The following ZNF414 variants were observed in gnomAD, a reference collection of about 807,000 sequenced individuals.
ZNF414 encodes the protein zinc finger protein 414.
ZNF414 carries 32 observed loss-of-function variants against 38.3 expected under a neutral mutation model. The observed-to-expected ratio is 0.83, with a 90% CI of 0.63 to 1.12. The LOEUF is 1.12. Among genes scored for constraint, ZNF414 ranks in the 50% most tolerant of loss-of-function variants. The pLI is 0.00. For missense variants in ZNF414, 589 were observed against 557.4 expected (o/e 1.06, Z -0.57); for synonymous variants, 256 against 248.0 (o/e 1.03, Z -0.30).
intron 3 of ZNF414, 49 bp downstream of exon 3, chr19:8,512,555 G>C: frequency 6.2e-7 from 1 of 1,607,392 alleles, no homozygotes; most frequent in Non-Finnish European, 8.5e-7. Context: ...GAGGGGCTCC[G>C]CCTGTTTCCC....
chr19:8,513,967 G>A (rs1568323720), intron 1 of ZNF414, 77 bp downstream of exon 1: 11 of 1,335,742 alleles, frequency 8.2e-6, no homozygotes, highest in Non-Finnish European at 1.1e-5. Flanking sequence ...GTCGGCCGGA[G>A]GCTGTAGGCG....
In ZNF414 at chr19:8,513,083, T is replaced by C. The variant is rs1971940662; in HGVS notation, c.262A>G (p.Ile88Val). The change falls in exon 2 of 8, where the codon ATA (isoleucine) becomes GTA (valine). Residue 88 changes from isoleucine (I) to valine (V), a missense_variant. Physicochemically the swap from Ile to Val is conservative, Grantham distance 29. Transcript: ENST00000393927. Reference protein sequence around the residue: ...GPGPSPGLTSIVSGTSEDLRP... With the variant: ...GPGPSPGLTSVVSGTSEDLRP... ...AGGTCCTCGCTGGTCCCGGAGACTA[T>C]GCTGGTCAGGCCAGGGCTGGGTCCG... 4 of 1,514,372 alleles carry C rather than the reference T, an allele frequency of 2.6e-6. No individual in the cohort carries two copies. Among genetic ancestry groups the C allele is most frequent in the East Asian group, 2.5e-5 (1 of 40,508 alleles). The allele number at this position is 1,514,372 out of a possible 1,614,324, so 93.8% of individuals were successfully genotyped here. A position where few individuals can be genotyped will look rare whatever the true frequency, so the allele number is the denominator to read the frequency against.
At chr19:8,512,278 C>T in intron 4 of ZNF414, 109 bp downstream of exon 4, 2 of 1,492,802 alleles carry the variant, frequency 1.3e-6, no homozygotes, top group Non-Finnish European at 1.8e-6. Context: ...AAGGCCCACC[C>T]ACATCAAGTC....
At chr19:8,512,362 G>T in intron 4 of ZNF414, 25 bp downstream of exon 4, 1 of 1,611,452 alleles carries the variant, frequency 6.2e-7, no homozygotes, top group Non-Finnish European at 8.5e-7. Context: ...AGGGCAGGGC[G>T]GAGCTCAAGA....
In ZNF414 at chr19:8,511,186, G is replaced by A. The variant is rs191395093; in HGVS notation, c.926-162C>T. 3.6e-4 allele frequency: 475 copies of A among 1,316,282 alleles called. 10 individuals carry two copies. In the East Asian group the frequency reaches 1.0e-2, roughly 28 times the overall value. 81.5% of individuals were successfully genotyped at this position (1,316,282 alleles called of 1,614,324 possible). A position where few individuals can be genotyped will look rare whatever the true frequency, so the allele number is the denominator to read the frequency against. Reference sequence around the variant, plus strand: ...TCTCCCGGGTCTGTCTGCCCCTAGAGTTGGGGGCACCCAACTTGGCTTCTC... The same window carrying A: ...TCTCCCGGGTCTGTCTGCCCCTAGAATTGGGGGCACCCAACTTGGCTTCTC... On this transcript the variant is annotated intron_variant, in intron 6 of 7. Coordinates refer to ENST00000393927, the MANE Select transcript of ZNF414 (RefSeq NM_001146175.2).
At chr19:8,512,765 C>G (rs1377253188) in intron 2 of ZNF414, 54 bp from the exon 3 acceptor site, 1 of 1,429,772 alleles carries the variant, frequency 7.0e-7, no homozygotes, top group African/African-American at 1.4e-5. Context: ...AGTGCTGTCC[C>G]TGACCCCAGG....
Position 8,510,952 on chromosome 19 carries a change from G to C in ZNF414, c.998C>G (p.Ser333Cys), listed in dbSNP as rs1432027225. The change falls in exon 7 of 8, where the codon TCC becomes TGC. Residue 333 changes from serine (S) to cysteine (C), a missense_variant. Transcript: ENST00000393927. ...GGTCATGGCGGGCCGCGAGGCCGTG[G>C]AGAAGGCGCACTGCATGCACGAGTA... The part of the protein sequence containing the change: ...GRYSCMQCAF[S>C]TASRPAMTLH... 8.0e-7 allele frequency: 1 copy of C among 1,249,448 alleles called. No homozygotes were observed. The highest frequency in any genetic ancestry group is 1.6e-5 in the African/African-American group (1 of 64,308). 77.4% of individuals were successfully genotyped at this position (1,249,448 alleles called of 1,614,324 possible). A position where few individuals can be genotyped will look rare whatever the true frequency, so the allele number is the denominator to read the frequency against.
At chr19:8,514,001 C>A in intron 1 of ZNF414, 43 bp downstream of exon 1, 1 of 1,427,332 alleles carries the variant, frequency 7.0e-7, no homozygotes, top group Non-Finnish European at 9.2e-7. Flanking sequence ...CCCCGCCAGT[C>A]CCCGCAGCTC....
intron 1 of ZNF414, 36 bp from the exon 2 acceptor site, chr19:8,513,377 G>A: frequency 6.6e-7 from 1 of 1,526,490 alleles, no homozygotes; most frequent in Non-Finnish European, 8.7e-7. Flanking sequence ...ACCCTTCTGG[G>A]CTCTGGGTCA....
Position 8,510,572 on chromosome 19 carries a change from A to G in ZNF414, c.*119T>C. 1 of 1,174,988 alleles carries G rather than the reference A, an allele frequency of 8.5e-7. No homozygotes were observed. Among genetic ancestry groups the G allele is most frequent in the East Asian group, 2.9e-5 (1 of 34,182 alleles). 72.8% of individuals were successfully genotyped at this position (1,174,988 alleles called of 1,614,324 possible). On this transcript the variant is annotated 3_prime_UTR_variant, in exon 8 of 8. Coordinates refer to ENST00000393927, the MANE Select transcript of ZNF414 (RefSeq NM_001146175.2). ...CTTTGGATGGACAAGGGATGGGAAC[A>G]CAGCATAGGCTGGCTCATGGCGCCT...
rs1971905178 is a variant in ZNF414, at chr19:8,510,943, G to C, written c.1007C>G (p.Ser336Trp). The change falls in exon 7 of 8, where the codon TCG (serine) becomes TGG (tryptophan). Residue 336 changes from serine (S) to tryptophan (W), a missense_variant. Physicochemically the swap from Ser to Trp is radical, Grantham distance 177. Coordinates refer to ENST00000393927, the MANE Select transcript of ZNF414 (RefSeq NM_001146175.2). ...CAGGTGCAGGGTCATGGCGGGCCGC[G>C]AGGCCGTGGAGAAGGCGCACTGCAT... ...SCMQCAFSTASRPAMTLHLED... is the reference protein window; with the variant it reads ...SCMQCAFSTAWRPAMTLHLED... 2.3e-5 allele frequency: 28 copies of C among 1,240,724 alleles called. No individual in the cohort carries two copies. The highest frequency in any genetic ancestry group is 2.8e-5 in the Non-Finnish European group (28 of 990,868). The allele number at this position is 1,240,724 out of a possible 1,614,324, so 76.9% of individuals were successfully genotyped here.
Position 8,512,010 on chromosome 19 carries a change from GGA to G in ZNF414, c.531-52_531-51del, listed in dbSNP as rs138143788. ...TGGGCTGGGCCTCCAGGGGCACCAG[GGA>G]GAGTGTCCTGTGCAATGCCACCCGC... is the stretch of plus-strand genomic sequence containing the variant. On this transcript the variant is annotated intron_variant, in intron 4 of 7. Transcript: ENST00000393927. The G allele has an allele frequency of 2.4e-3, 3,378 of 1,390,240 alleles. 72 individuals are homozygous for G. In the African/African-American group the frequency reaches 0.043, roughly 18 times the overall value. 86.1% of individuals were successfully genotyped at this position (1,390,240 alleles called of 1,614,324 possible). A position where few individuals can be genotyped will look rare whatever the true frequency, so the allele number is the denominator to read the frequency against.
At position 8,510,509 on chromosome 19, in the gene ZNF414, G is replaced by T; in HGVS notation, c.*182C>A. On this transcript the variant is annotated 3_prime_UTR_variant, in exon 8 of 8. Coordinates refer to ENST00000393927, the MANE Select transcript of ZNF414 (RefSeq NM_001146175.2). ...TGGACCCAGGTGGTCCTCCCAAGATGTGATCAATCCATGACTGCTGGGCTC... is the reference window on the plus strand; with the variant it reads ...TGGACCCAGGTGGTCCTCCCAAGATTTGATCAATCCATGACTGCTGGGCTC... 1.7e-6 allele frequency: 1 copy of T among 601,580 alleles called. No individual in the cohort carries two copies. The highest frequency in any genetic ancestry group is 2.7e-6 in the Non-Finnish European group (1 of 377,118). 37.3% of individuals were successfully genotyped at this position (601,580 alleles called of 1,614,324 possible). A position where few individuals can be genotyped will look rare whatever the true frequency, so the allele number is the denominator to read the frequency against.
chr19:8,512,625 G>T lies in ZNF414; in HGVS notation c.403C>A (p.Pro135Thr). The T allele has an allele frequency of 6.3e-7, 1 of 1,592,780 alleles. No individual in the cohort carries two copies. ...DLAQHLRTHC[P>T]PTQSLEGKLF... is the part of the protein sequence containing the mutation. Reference sequence around the variant, plus strand: ...CTACCTTCCAGGGACTGTGTGGGCGGGCAGTGGGTTCGCAGATGCTGTGCC... The same window carrying T: ...CTACCTTCCAGGGACTGTGTGGGCGTGCAGTGGGTTCGCAGATGCTGTGCC... The change falls in exon 3 of 8, where the codon CCG (proline) becomes ACG (threonine). Residue 135 changes from proline (P) to threonine (T), a missense_variant. Coordinates refer to ENST00000393927, the MANE Select transcript of ZNF414 (RefSeq NM_001146175.2).
rs776025717 is a variant in ZNF414, at chr19:8,511,559, G to A, written c.875-23C>T. 91 of 1,582,026 alleles carry A rather than the reference G, an allele frequency of 5.8e-5. 2 individuals are homozygous for A. In the South Asian group the frequency reaches 9.6e-4, roughly 17 times the overall value. ...CACCTGCGGTAAAGGGGCGGGTCAA[G>A]TTCAGAGTCAGGGCGAGCCCAGCCA... is the stretch of plus-strand genomic sequence containing the variant. On this transcript the variant is annotated intron_variant, in intron 5 of 7. Transcript: ENST00000393927.
Position 8,510,873 on chromosome 19 carries a change from CGGCCCGGCCGCGGG to C in ZNF414, c.1063_1076del (p.Pro355AlafsTer67), listed in dbSNP as rs1364526039. On this transcript the variant is annotated frameshift_variant, in exon 7 of 8. Coordinates refer to ENST00000393927, the MANE Select transcript of ZNF414 (RefSeq NM_001146175.2). LOFTEE classifies it low-confidence loss of function (END_TRUNC). Reference sequence around the variant, plus strand: ...TACCCGCGGGGGCGTCGGGGCGCGGCGGCCCGGCCGCGGGGGCCGCGGGGGCGCCGGGGCGGTGG... The same window carrying C: ...TACCCGCGGGGGCGTCGGGGCGCGGCGGCCGCGGGGGCGCCGGGGCGGTGG... The C allele has an allele frequency of 5.3e-6, 6 of 1,123,198 alleles. No individual in the cohort carries two copies. The highest frequency in any genetic ancestry group is 6.6e-6 in the Non-Finnish European group (6 of 910,866). 69.6% of individuals were successfully genotyped at this position (1,123,198 alleles called of 1,614,324 possible).
intron 7 of ZNF414, 38 bp downstream of exon 7, chr19:8,510,813 C>G: frequency 6.7e-7 from 1 of 1,486,670 alleles, no homozygotes; most frequent in East Asian, 2.7e-5. Context: ...GCCTTGGGCC[C>G]CCGCCCCCCT....
Position 8,513,105 on chromosome 19 carries a change from T to C in ZNF414, c.240A>G (p.Gly80=). The change falls in exon 2 of 8, where the codon GGA becomes GGG. Residue 80 remains glycine, a synonymous_variant. Coordinates refer to ENST00000393927, the MANE Select transcript of ZNF414 (RefSeq NM_001146175.2). The part of the protein sequence containing the change: ...PAPDSCQPGP[G]PSPGLTSIVS... Reference sequence around the variant, plus strand: ...CTATGCTGGTCAGGCCAGGGCTGGGTCCGGGGCCAGGCTGGCAGCTGTCTG... The same window carrying C: ...CTATGCTGGTCAGGCCAGGGCTGGGCCCGGGGCCAGGCTGGCAGCTGTCTG... 6.5e-7 allele frequency: 1 copy of C among 1,535,898 alleles called. No homozygotes were observed. Among genetic ancestry groups the C allele is most frequent in the Non-Finnish European group, 8.7e-7 (1 of 1,143,110 alleles).
rs1289519204 is a variant in ZNF414 at position 8,511,028 on chromosome 19, C to T, written c.926-4G>A. ...ATGCGGCTCGGGGCCGCGTGCCCTG[C>T]GGGCAGGCGGGACCCCGTCAGTCCC... On this transcript the variant is annotated splice_region_variant and splice_polypyrimidine_tract_variant and intron_variant, in intron 6 of 7. Coordinates refer to ENST00000393927, the MANE Select transcript of ZNF414 (RefSeq NM_001146175.2). The T allele has an allele frequency of 2.4e-6, 3 of 1,276,476 alleles. No homozygotes were observed. The highest frequency in any genetic ancestry group is 5.3e-5 in the South Asian group (2 of 37,414). The allele number at this position is 1,276,476 out of a possible 1,614,324, so 79.1% of individuals were successfully genotyped here.
Sources: gnomAD v4.1 joint callset for allele counts on GRCh38, gnomAD v4.1.1 for gene constraint, MANE v1.5 for transcripts, NCBI Gene and HGNC (gene_info 2026-07-23, HGNC 2026-07-21) for gene names.